ROBO1: variants seen among roughly 807,000 people sequenced by gnomAD.
The protein encoded by ROBO1 is roundabout homolog 1.
In ROBO1, 149 loss-of-function variants were observed where a neutral mutation model predicts 195.9. That is an observed-to-expected ratio of 0.76 (90% confidence interval 0.67 to 0.87). ROBO1 has a LOEUF of 0.87. Ranked by LOEUF, ROBO1 falls within the 40% of genes least tolerant of loss-of-function variation. The probability of loss-of-function intolerance (pLI) is 0.00; values close to 1 mark genes in which losing one functional copy is unlikely to be tolerated. For missense variants in ROBO1, 1,933 were observed against 2,068.3 expected, an observed-to-expected ratio of 0.93 and a Z score of 1.27; for synonymous variants, 816 against 733.2, an observed-to-expected ratio of 1.11 and a Z score of -1.82.
intron 2 of ROBO1, among the ~76,000 whole-genome samples, chr3:79,223,555 T>C (rs542774016): frequency 5.3e-5 from 8 of 152,256 alleles, no homozygotes; most frequent in African/African-American, 1.4e-4. Context: ...TGACTTGAAA[T>C]GTATACGAAA....
chr3:79,164,972 C>T (rs2081036794), intron 2 of ROBO1, among the ~76,000 whole-genome samples: 1 of 152,104 alleles, frequency 6.6e-6, no homozygotes, highest in Non-Finnish European at 1.5e-5. Flanking sequence ...CACTGCACAC[C>T]CCTAACCTTA....
chr3:79,439,560 T>G (rs2038989126), intron 2 of ROBO1, among the ~76,000 whole-genome samples: 1 of 152,114 alleles, frequency 6.6e-6, no homozygotes, highest in African/African-American at 2.4e-5. Flanking sequence ...TTATTTGATA[T>G]GAAAGGGATT....
intron 8 of ROBO1, among the ~76,000 whole-genome samples, chr3:78,713,382 G>A (rs1255369772): frequency 6.6e-6 from 1 of 152,068 alleles, no homozygotes; most frequent in African/African-American, 2.4e-5. Flanking sequence ...AACAGACAGT[G>A]TTCAGAAAAG....
At chr3:79,087,203 C>T (rs998212185) in intron 3 of ROBO1, among the ~76,000 whole-genome samples, 4 of 151,938 alleles carry the variant, frequency 2.6e-5, no homozygotes, top group African/African-American at 9.7e-5. Flanking sequence ...TCTAGAAAAA[C>T]TGAAAAATAA....
intron 2 of ROBO1, among the ~76,000 whole-genome samples, chr3:79,248,591 A>C (rs1040074396): frequency 1.3e-5 from 2 of 152,188 alleles, no homozygotes; most frequent in Non-Finnish European, 2.9e-5. Flanking sequence ...ATTGTGATTC[A>C]ATATAAACAT....
At chr3:79,693,908 T>G (rs938648716) in intron 1 of ROBO1, among the ~76,000 whole-genome samples, 2 of 151,610 alleles carry the variant, frequency 1.3e-5, no homozygotes, top group Non-Finnish European at 2.9e-5. Context: ...TCATGAGAAG[T>G]GGGTACATAA....
At chr3:78,928,756 A>G (rs2039348023) in intron 4 of ROBO1, among the ~76,000 whole-genome samples, 1 of 152,232 alleles carries the variant, frequency 6.6e-6, no homozygotes, top group African/African-American at 2.4e-5. Flanking sequence ...CTTCCATTTG[A>G]GAACACTCTC....
chr3:78,781,147 T>C (rs1006892508), intron 4 of ROBO1, among the ~76,000 whole-genome samples: 1 of 152,174 alleles, frequency 6.6e-6, no homozygotes. Context: ...TAACCACTTT[T>C]TGCCCTTATC....
intron 2 of ROBO1, among the ~76,000 whole-genome samples, chr3:79,219,602 T>A (rs2082104621): frequency 6.6e-6 from 1 of 152,026 alleles, no homozygotes; most frequent in Non-Finnish European, 1.5e-5. Flanking sequence ...CTGCTTGACC[T>A]GCAAGATGAA....
At chr3:79,597,058 A>G (rs983539630) in intron 1 of ROBO1, among the ~76,000 whole-genome samples, 1 of 152,020 alleles carries the variant, frequency 6.6e-6, no homozygotes, top group Non-Finnish European at 1.5e-5. Context: ...TACATATGTC[A>G]TACTGTTTCC....
intron 2 of ROBO1, among the ~76,000 whole-genome samples, chr3:79,458,746 C>A (rs1454349367): frequency 2.0e-5 from 3 of 151,628 alleles, no homozygotes; most frequent in African/African-American, 7.3e-5. Context: ...GGAGCATTTC[C>A]AACCTAACAA....
intron 4 of ROBO1, among the ~76,000 whole-genome samples, chr3:78,937,049 T>A (rs328050): frequency 1.3e-5 from 2 of 151,980 alleles, no homozygotes; most frequent in Non-Finnish European, 2.9e-5. Flanking sequence ...AATGAATAGC[T>A]AGTTTTAACA....
At chr3:78,774,553 G>A (rs570930516) in intron 4 of ROBO1, among the ~76,000 whole-genome samples, 18 of 151,748 alleles carry the variant, frequency 1.2e-4, no homozygotes, top group African/African-American at 3.1e-4. Context: ...CTTGTGATCC[G>A]ACAGCCTTGG....
At chr3:78,870,619 A>G (rs78597382) in intron 4 of ROBO1, among the ~76,000 whole-genome samples, 264 of 152,352 alleles carry the variant, frequency 1.7e-3, no homozygotes, top group African/African-American at 6.1e-3. Flanking sequence ...AATGTTTCCC[A>G]GAAGCACTAG....
intron 17 of ROBO1, among the ~76,000 whole-genome samples, 175 bp from the exon 18 acceptor site, chr3:78,657,444 C>T (rs145302393): frequency 2.6e-5 from 4 of 152,124 alleles, no homozygotes; most frequent in African/African-American, 9.7e-5. Flanking sequence ...ATCTTCTGGT[C>T]AAGTTTAACG....
chr3:78,977,219 A>T (rs2076902516), intron 3 of ROBO1, among the ~76,000 whole-genome samples: 1 of 152,068 alleles, frequency 6.6e-6, no homozygotes, highest in Admixed American at 6.6e-5. Context: ...ATCTTTTTAA[A>T]CCTCAATTCC....
chr3:78,637,753 T>G (rs908552339), intron 22 of ROBO1, among the ~76,000 whole-genome samples: 1 of 152,116 alleles, frequency 6.6e-6, no homozygotes, highest in Non-Finnish European at 1.5e-5. Context: ...GGACAGAGAC[T>G]TGGTCACATG....
intron 3 of ROBO1, among the ~76,000 whole-genome samples, chr3:79,099,322 T>A (rs542422184): frequency 2.0e-5 from 3 of 151,766 alleles, no homozygotes; most frequent in African/African-American, 7.2e-5. Flanking sequence ...ATCCCAGAGG[T>A]GCAAACAGTC....
chr3:78,788,960 C>A (rs569727750), intron 4 of ROBO1, among the ~76,000 whole-genome samples: 13 of 152,188 alleles, frequency 8.5e-5, no homozygotes, highest in African/African-American at 2.4e-4. Flanking sequence ...TAGAAAATTA[C>A]CCCCAGAACT....
Sources: allele counts gnomAD v4.1 joint callset (sites outside exome capture counted in the v4.1 genomes callset), GRCh38; gene constraint gnomAD v4.1.1; transcripts MANE v1.5; gene names NCBI Gene and HGNC (gene_info 2026-07-23, HGNC 2026-07-21).